The following C3orf62 variants were observed in gnomAD, a reference collection of about 807,000 sequenced individuals.
C3orf62 encodes uncharacterized protein C3orf62.
A neutral mutation model predicts 21.7 loss-of-function variants in C3orf62; 16 were observed. That is an observed-to-expected ratio of 0.74 (90% confidence interval 0.50 to 1.12). The LOEUF is 1.12. Among genes scored for constraint, C3orf62 ranks in the 50% most tolerant of loss-of-function variants. The probability of loss-of-function intolerance (pLI) is 0.00; values close to 1 mark genes in which losing one functional copy is unlikely to be tolerated. For missense variants in C3orf62, 310 were observed against 318.8 expected (o/e 0.97, Z 0.21); for synonymous variants, 114 against 117.0 (o/e 0.97, Z 0.17).
chr3:49,272,168 C>T lies in C3orf62; in HGVS notation c.539-723G>A, dbSNP rs759206418. Among the ~76,000 whole-genome samples the T allele has an allele frequency of 5.8e-4, 89 of 152,140 alleles. 1 individual carries two copies. Among genetic ancestry groups the T allele is most frequent in the Non-Finnish European group, 1.2e-3 (81 of 68,000 alleles). ...AAACAACAGCTTCAGGCAGCACCCACGGTTATACATCCCTTTACTAGGAGC... is the reference window on the plus strand; with the variant it reads ...AAACAACAGCTTCAGGCAGCACCCATGGTTATACATCCCTTTACTAGGAGC... On this transcript the variant is annotated intron_variant, in intron 2 of 2. Transcript: ENST00000343010.
chr3:49,276,981 C>A lies in C3orf62; in HGVS notation c.-109G>T. ...CCTGGCTATAGCAGGACCCACAACC[C>A]TCGGGCTTTCCTCCTGGAGTAGGCG... On this transcript the variant is annotated 5_prime_UTR_variant, in exon 1 of 3. It adds an upstream start codon to the 5' untranslated region. Coordinates refer to ENST00000343010, the MANE Select transcript of C3orf62 (RefSeq NM_198562.3). 1 of 1,484,090 alleles carries A rather than the reference C, an allele frequency of 6.7e-7. No homozygotes were observed. Among genetic ancestry groups the A allele is most frequent in the Non-Finnish European group, 8.9e-7 (1 of 1,120,768 alleles). 91.9% of individuals were successfully genotyped at this position (1,484,090 alleles called of 1,614,324 possible).
At chr3:49,274,353 A>C in intron 1 of C3orf62, 1 of 514,948 alleles carries the variant, frequency 1.9e-6, no homozygotes, top group Non-Finnish European at 3.5e-6. Flanking sequence ...AGCATCGCAG[A>C]CTGTATTAAA....
Position 49,276,808 on chromosome 3 carries a change from T to TAA in C3orf62, c.64_65insTT (p.Lys22IlefsTer4). 6.2e-7 allele frequency: 1 copy of TAA among 1,614,068 alleles called. No individual in the cohort carries two copies. Among genetic ancestry groups the TAA allele is most frequent in the Non-Finnish European group, 8.5e-7 (1 of 1,180,014 alleles). ...CCGGTCAATGGCTGCAGTCAGTTCC[T>TAA]TTCTGCATCTTCTTAGTTTTTCAGA... On this transcript the variant is annotated frameshift_variant, in exon 1 of 3. Coordinates refer to ENST00000343010, the MANE Select transcript of C3orf62 (RefSeq NM_198562.3). LOFTEE classifies it high-confidence loss of function.
Position 49,275,692 on chromosome 3 carries a change from G to A in C3orf62, c.446+735C>T, listed in dbSNP as rs373998453. ...ACTACAGGCGCCCGCCACCACGCCC[G>A]GCTAATTTTTTGTATTTTTAGTAGA... On this transcript the variant is annotated intron_variant, in intron 1 of 2. Transcript: ENST00000343010. Among the ~76,000 whole-genome samples the A allele has an allele frequency of 1.3e-3, 194 of 150,364 alleles. 1 individual carries two copies. Among genetic ancestry groups the A allele is most frequent in the East Asian group, 2.7e-3 (14 of 5,106 alleles).
In C3orf62 at chr3:49,270,977, T is replaced by A; in HGVS notation, c.*203A>T. ...GAAAGTTAAAAAAAAAAATCAGTAA[T>A]AGGAAACATTTCAAAGCAATGGAAT... On this transcript the variant is annotated 3_prime_UTR_variant, in exon 3 of 3. Coordinates refer to ENST00000343010, the MANE Select transcript of C3orf62 (RefSeq NM_198562.3). 8.9e-6 allele frequency: 5 copies of A among 563,414 alleles called. No homozygotes were observed. The highest frequency in any genetic ancestry group is 1.9e-5 in the African/African-American group (1 of 52,768). The allele number at this position is 563,414 out of a possible 1,614,324, so 34.9% of individuals were successfully genotyped here.
Position 49,270,979 on chromosome 3 carries a change from G to A in C3orf62, c.*201C>T. 1 of 574,168 alleles carries A rather than the reference G, an allele frequency of 1.7e-6. No individual in the cohort carries two copies. The allele number at this position is 574,168 out of a possible 1,614,324, so 35.6% of individuals were successfully genotyped here. A position where few individuals can be genotyped will look rare whatever the true frequency, so the allele number is the denominator to read the frequency against. ...AAGTTAAAAAAAAAAATCAGTAATAGGAAACATTTCAAAGCAATGGAATTC... is the reference window on the plus strand; with the variant it reads ...AAGTTAAAAAAAAAAATCAGTAATAAGAAACATTTCAAAGCAATGGAATTC... On this transcript the variant is annotated 3_prime_UTR_variant, in exon 3 of 3. Transcript: ENST00000343010.
At chr3:49,271,610 G>A (rs1275756538) in intron 2 of C3orf62, among the ~76,000 whole-genome samples, 165 bp from the exon 3 acceptor site, 1 of 152,174 alleles carries the variant, frequency 6.6e-6, no homozygotes, top group Non-Finnish European at 1.5e-5. Flanking sequence ...AAATTAAGGT[G>A]GGTTTGGTAC....
At position 49,270,886 on chromosome 3, in the gene C3orf62, C is replaced by T; in HGVS notation, c.*294G>A. The T allele has an allele frequency of 9.2e-6, 3 of 325,790 alleles. No homozygotes were observed. The allele number at this position is 325,790 out of a possible 1,614,324, so 20.2% of individuals were successfully genotyped here. ...TAAGAGACACAGCAGAGGCCCATGA[C>T]CCACACCTACCATGGGTACTGGGTA... On this transcript the variant is annotated 3_prime_UTR_variant, in exon 3 of 3. Coordinates refer to ENST00000343010, the MANE Select transcript of C3orf62 (RefSeq NM_198562.3).
Position 49,276,474 on chromosome 3 carries a change from A to G in C3orf62, c.399T>C (p.Ser133=). 6.2e-7 allele frequency: 1 copy of G among 1,614,136 alleles called. No homozygotes were observed. Residue 133 remains serine (S), a synonymous_variant, in exon 1 of 3, where the codon TCT becomes TCC. Coordinates refer to ENST00000343010, the MANE Select transcript of C3orf62 (RefSeq NM_198562.3). ...HSSILAPERE[S]WRTAGEGENW... is the part of the protein sequence containing the mutation. Reference sequence around the variant, plus strand: ...TTTCCCCCTCTCCTGCAGTTCTCCAAGACTCTCTTTCAGGTGCCAAAATGG... The same window carrying G: ...TTTCCCCCTCTCCTGCAGTTCTCCAGGACTCTCTTTCAGGTGCCAAAATGG...
rs2046904531 is a variant in C3orf62, at chr3:49,270,099, C to T, written c.*1081G>A. On this transcript the variant is annotated 3_prime_UTR_variant, in exon 3 of 3. Coordinates refer to ENST00000343010, the MANE Select transcript of C3orf62 (RefSeq NM_198562.3). Reference sequence around the variant, plus strand: ...CTAACTCCTTGTTCTACTCCTTCCCCTCTTCTTATACTACCCTCAGTCTTT... The same window carrying T: ...CTAACTCCTTGTTCTACTCCTTCCCTTCTTCTTATACTACCCTCAGTCTTT... 1.3e-5 allele frequency: 2 copies of T among 152,224 alleles called. No individual in the cohort carries two copies. The highest frequency in any genetic ancestry group is 1.3e-4 in the Admixed American group (2 of 15,272). 9.4% of individuals were successfully genotyped at this position (152,224 alleles called of 1,614,324 possible). A position where few individuals can be genotyped will look rare whatever the true frequency, so the allele number is the denominator to read the frequency against.
chr3:49,269,996 G>C lies in C3orf62; in HGVS notation c.*1184C>G, dbSNP rs942260123. 6.6e-6 allele frequency: 1 copy of C among 152,184 alleles called. No homozygotes were observed. The highest frequency in any genetic ancestry group is 6.5e-5 in the Admixed American group (1 of 15,276). The allele number at this position is 152,184 out of a possible 1,614,324, so 9.4% of individuals were successfully genotyped here. ...TTCTCCCCAACTCTTTGGTTTGTTCGGGCTTTAGCACTTATAAACAGCCCT... is the reference window on the plus strand; with the variant it reads ...TTCTCCCCAACTCTTTGGTTTGTTCCGGCTTTAGCACTTATAAACAGCCCT... On this transcript the variant is annotated 3_prime_UTR_variant, in exon 3 of 3. Coordinates refer to ENST00000343010, the MANE Select transcript of C3orf62 (RefSeq NM_198562.3).
At position 49,274,157 on chromosome 3, in the gene C3orf62, G is replaced by C. The variant is rs572210103; in HGVS notation, c.447-17C>G. Reference sequence around the variant, plus strand: ...ATATCTTTCCTGCAGCCCCCAGGTGGGGGGGAAGAAAAGGTGGGGAATTAG... The same window carrying C: ...ATATCTTTCCTGCAGCCCCCAGGTGCGGGGGAAGAAAAGGTGGGGAATTAG... On this transcript the variant is annotated splice_polypyrimidine_tract_variant and intron_variant, in intron 1 of 2. Transcript: ENST00000343010. 3.3e-5 allele frequency: 52 copies of C among 1,591,190 alleles called. No homozygotes were observed. The South Asian group carries it at 5.1e-4, about 16-fold the overall frequency.
intron 1 of C3orf62, among the ~76,000 whole-genome samples, chr3:49,275,302 C>T (rs2046944433): frequency 6.6e-6 from 1 of 150,794 alleles, no homozygotes; most frequent in African/African-American, 2.4e-5. Context: ...TTAGTGGAGA[C>T]GGGGTTTCAC....
intron 1 of C3orf62, among the ~76,000 whole-genome samples, chr3:49,275,259 G>T (rs1424389474): frequency 1.3e-5 from 2 of 151,764 alleles, no homozygotes; most frequent in African/African-American, 4.8e-5. Flanking sequence ...GATCATAGGC[G>T]CGCGCCACCA....
intron 2 of C3orf62, among the ~76,000 whole-genome samples, chr3:49,273,458 T>TGA (rs1417625098): frequency 6.6e-6 from 1 of 152,028 alleles, no homozygotes; most frequent in Non-Finnish European, 1.5e-5. Flanking sequence ...TTTTTTCTTT[T>TGA]GAGATGAGGT....
Position 49,276,766 on chromosome 3 carries a change from C to CT in C3orf62, c.106dup (p.Ser36LysfsTer52). The CT allele has an allele frequency of 6.2e-7, 1 of 1,614,158 alleles. No homozygotes were observed. Among genetic ancestry groups the CT allele is most frequent in the Non-Finnish European group, 8.5e-7 (1 of 1,180,012 alleles). On this transcript the variant is annotated frameshift_variant, in exon 1 of 3. Transcript: ENST00000343010. LOFTEE classifies it high-confidence loss of function. ...CTGGCCTGTGCACTCCTGGGAATAA[C>CT]TAACTCCTTCAAAGGCCCGGTCAAT...
rs377448076 is a variant in C3orf62 at position 49,271,152 on chromosome 3, T to C, written c.*28A>G. The C allele has an allele frequency of 4.4e-5, 71 of 1,600,994 alleles. No individual in the cohort carries two copies. The highest frequency in any genetic ancestry group is 6.0e-5 in the Non-Finnish European group (70 of 1,170,066). ...CAGGCTCAAGGGCAGCCTCCTGCTGTAAGGAATCAAAGCTTAGATAACTGT... is the reference window on the plus strand; with the variant it reads ...CAGGCTCAAGGGCAGCCTCCTGCTGCAAGGAATCAAAGCTTAGATAACTGT... On this transcript the variant is annotated 3_prime_UTR_variant, in exon 3 of 3. Transcript: ENST00000343010.
chr3:49,275,407 C>T (rs2046945498), intron 1 of C3orf62, among the ~76,000 whole-genome samples: 1 of 150,140 alleles, frequency 6.7e-6, no homozygotes, highest in South Asian at 2.1e-4. Context: ...CTTATGAGTA[C>T]CAATATAAAT....
Position 49,276,987 on chromosome 3 carries a change from C to A in C3orf62, c.-115G>T. 6.8e-7 allele frequency: 1 copy of A among 1,478,878 alleles called. No homozygotes were observed. Among genetic ancestry groups the A allele is most frequent in the Non-Finnish European group, 8.9e-7 (1 of 1,118,358 alleles). 91.6% of individuals were successfully genotyped at this position (1,478,878 alleles called of 1,614,324 possible). ...TATAGCAGGACCCACAACCCTCGGG[C>A]TTTCCTCCTGGAGTAGGCGGTTCTC... On this transcript the variant is annotated 5_prime_UTR_variant, in exon 1 of 3. Transcript: ENST00000343010.
Sources: gnomAD v4.1 joint callset for allele counts (sites outside exome capture counted in the v4.1 genomes callset) on GRCh38, gnomAD v4.1.1 for gene constraint, MANE v1.5 for transcripts, NCBI Gene and HGNC (gene_info 2026-07-23, HGNC 2026-07-21) for gene names.